The following PDE4D variants were observed in gnomAD, a reference collection of about 807,000 sequenced individuals.
The protein encoded by PDE4D is phosphodiesterase 4D.
PDE4D carries 24 observed loss-of-function variants against 87.4 expected under a neutral mutation model. The ratio of observed to expected loss-of-function variants is 0.27; its 90% CI spans 0.20 to 0.39. The LOEUF is 0.39. Among genes scored for constraint, PDE4D ranks in the 10% least tolerant of loss-of-function variants. The probability of loss-of-function intolerance (pLI) is 1.00; values close to 1 mark genes in which losing one functional copy is unlikely to be tolerated. For synonymous variants in PDE4D, 384 were observed against 383.2 expected (o/e 1.00, Z -0.02); for missense variants, 714 against 1,041.0 (o/e 0.69, Z 4.32).
At chr5:59,323,784 A>ATT (rs55924752) in intron 1 of PDE4D, among the ~76,000 whole-genome samples, 5 of 149,990 alleles carry the variant, frequency 3.3e-5, no homozygotes, top group Non-Finnish European at 5.9e-5. Flanking sequence ...AGCCAAAGAC[A>ATT]TTTTTTTTTT....
chr5:60,246,010 T>C lies in PDE4D; in HGVS notation c.-89-60323A>G, dbSNP rs564760264. Among the ~76,000 whole-genome samples the C allele has an allele frequency of 1.6e-4, 8 of 49,342 alleles. No homozygotes were observed. In the South Asian group the frequency reaches 4.4e-3, roughly 27 times the overall value. 32.4% of individuals were successfully genotyped at this position (49,342 alleles called of 152,430 possible). ...TACACCCCATGTGATTATGATACATTGCATGCCTGTACCCCATGCCTGTAC... is the reference window on the plus strand; with the variant it reads ...TACACCCCATGTGATTATGATACATCGCATGCCTGTACCCCATGCCTGTAC... On this transcript the variant is annotated intron_variant, in intron 1 of 16. Transcript: ENST00000502484.
chr5:59,991,355 T>C (rs1195958923), intron 2 of PDE4D, among the ~76,000 whole-genome samples: 1 of 152,112 alleles, frequency 6.6e-6, no homozygotes, highest in Non-Finnish European at 1.5e-5. Context: ...GAATAGGACC[T>C]GGGAGTCTGA....
intron 2 of PDE4D, among the ~76,000 whole-genome samples, chr5:60,055,396 T>TA (rs1202385596): frequency 3.9e-5 from 6 of 152,054 alleles, no homozygotes; most frequent in Non-Finnish European, 8.8e-5. Flanking sequence ...AATTTCCTCA[T>TA]ACCTTTCTTC....
At chr5:59,517,199 T>C (rs1033424996) in intron 1 of PDE4D, among the ~76,000 whole-genome samples, 7 of 152,212 alleles carry the variant, frequency 4.6e-5, no homozygotes, top group Non-Finnish European at 8.8e-5. Context: ...TTACATTGAT[T>C]AAACATGTAG....
intron 1 of PDE4D, among the ~76,000 whole-genome samples, chr5:59,631,820 C>T (rs1035594926): frequency 6.7e-5 from 10 of 149,520 alleles, no homozygotes; most frequent in African/African-American, 2.5e-4. Context: ...AACTGGGTGG[C>T]TGTTTGGGCA....
At chr5:58,993,296 G>A (rs1374739205) in intron 7 of PDE4D, 76 bp downstream of exon 7, 8 of 748,110 alleles carry the variant, frequency 1.1e-5, no homozygotes, top group Admixed American at 5.9e-5. Context: ...AAATGAGTTG[G>A]CACCCCAATC....
intron 1 of PDE4D, among the ~76,000 whole-genome samples, chr5:59,390,328 A>C (rs1238144748): frequency 1.3e-5 from 2 of 152,104 alleles, no homozygotes; most frequent in African/African-American, 4.8e-5. Flanking sequence ...CTCTTCCCTG[A>C]AAAATAATAT....
chr5:60,293,329 A>G (rs904467021), intron 1 of PDE4D, among the ~76,000 whole-genome samples: 23 of 151,962 alleles, frequency 1.5e-4, no homozygotes, highest in Admixed American at 1.5e-3. Flanking sequence ...CCTGGCTAAC[A>G]CGGTGAAACC....
intron 1 of PDE4D, among the ~76,000 whole-genome samples, chr5:60,505,409 C>G (rs192067830): frequency 1.3e-3 from 205 of 152,276 alleles, no homozygotes; most frequent in African/African-American, 4.5e-3. Flanking sequence ...TTATCCTTTT[C>G]TCTACCCAGC....
At chr5:59,380,388 CAAAAAAA>C (rs10574102) in intron 1 of PDE4D, among the ~76,000 whole-genome samples, 1 of 108,958 alleles carries the variant, frequency 9.2e-6, no homozygotes, top group Non-Finnish European at 1.9e-5. Flanking sequence ...CAAAAGCAAT[CAAAAAAA>C]AAAAAAAAAA....
intron 1 of PDE4D, among the ~76,000 whole-genome samples, chr5:59,874,114 G>C (rs1278589998): frequency 6.6e-6 from 1 of 152,020 alleles, no homozygotes; most frequent in Non-Finnish European, 1.5e-5. Context: ...GAGGCAGTAG[G>C]ATCCTTTGAG....
chr5:59,777,274 T>C (rs1048481176), intron 1 of PDE4D, among the ~76,000 whole-genome samples: 4 of 152,170 alleles, frequency 2.6e-5, no homozygotes. Flanking sequence ...TTCACCCTCC[T>C]CTGCAATTGG....
intron 1 of PDE4D, among the ~76,000 whole-genome samples, chr5:60,430,545 G>GTTTT (rs1303120305): frequency 3.4e-5 from 4 of 116,348 alleles, no homozygotes; most frequent in African/African-American, 1.6e-4. Context: ...GTTTTTTTTT[G>GTTTT]TTTGTTTTTT....
chr5:59,418,365 G>A (rs1011583992), intron 1 of PDE4D, among the ~76,000 whole-genome samples: 1 of 151,768 alleles, frequency 6.6e-6, no homozygotes, highest in South Asian at 2.1e-4. Context: ...TTCTATAAAC[G>A]TTCATGTATT....
intron 1 of PDE4D, among the ~76,000 whole-genome samples, chr5:59,305,129 T>C (rs1352548172): frequency 6.6e-6 from 1 of 152,140 alleles, no homozygotes; most frequent in Non-Finnish European, 1.5e-5. Flanking sequence ...AGGAGTGTTG[T>C]ATTTTTCCAG....
chr5:60,256,264 A>T (rs573309991), intron 1 of PDE4D, among the ~76,000 whole-genome samples: 2 of 152,048 alleles, frequency 1.3e-5, no homozygotes, highest in East Asian at 3.9e-4. Flanking sequence ...TACTTCAAAC[A>T]TCACCATCAG....
intron 3 of PDE4D, among the ~76,000 whole-genome samples, chr5:59,909,604 CA>C (rs1276392421): frequency 6.6e-6 from 1 of 152,084 alleles, no homozygotes; most frequent in African/African-American, 2.4e-5. Flanking sequence ...AGCCTTGTCT[CA>C]AACACCTGGA....
chr5:60,422,969 G>T (rs1743271797), intron 1 of PDE4D, among the ~76,000 whole-genome samples: 1 of 152,228 alleles, frequency 6.6e-6, no homozygotes, highest in Non-Finnish European at 1.5e-5. Context: ...TAATGGTAAA[G>T]AGATAATTCA....
intron 2 of PDE4D, among the ~76,000 whole-genome samples, chr5:60,000,778 C>A (rs1232810244): frequency 1.3e-5 from 2 of 152,116 alleles, no homozygotes; most frequent in Non-Finnish European, 2.9e-5. Flanking sequence ...ACATTGATAA[C>A]ATAAATGGGC....
Sources: allele counts gnomAD v4.1 joint callset (sites outside exome capture counted in the v4.1 genomes callset), GRCh38; gene constraint gnomAD v4.1.1; transcripts MANE v1.5; gene names NCBI Gene and HGNC (gene_info 2026-07-23, HGNC 2026-07-21).